Variants in GATA5 observed in about 807,000 individuals in gnomAD.
The protein encoded by GATA5 is GATA binding protein 5.
A neutral mutation model predicts 35.0 loss-of-function variants in GATA5; 27 were observed. The observed-to-expected ratio is 0.77, with a 90% CI of 0.57 to 1.06. The LOEUF (loss-of-function observed/expected upper bound fraction) is 1.06. GATA5 is among the 50% of genes least tolerant of loss of function. The pLI is 0.00. For synonymous variants in GATA5, 306 were observed against 267.8 expected, an observed-to-expected ratio of 1.14 and a Z score of -1.39; for missense variants, 612 against 580.0, an observed-to-expected ratio of 1.06 and a Z score of -0.57.
chr20:62,466,061 G>A, intron 4 of GATA5, 140 bp from the exon 5 acceptor site: 1 of 669,810 alleles, frequency 1.5e-6, no homozygotes, highest in South Asian at 1.7e-5. Context: ...TGGGTCAGCT[G>A]CCAGCTGGGC....
At chr20:62,466,361 G>T in intron 4 of GATA5, 65 bp downstream of exon 4, 2 of 1,492,026 alleles carry the variant, frequency 1.3e-6, no homozygotes, top group Non-Finnish European at 1.8e-6. Context: ...GTCTGAGAGT[G>T]CGGACGGCGC....
At chr20:62,468,595 G>T (rs1989650395) in intron 3 of GATA5, among the ~76,000 whole-genome samples, 1 of 152,256 alleles carries the variant, frequency 6.6e-6, no homozygotes, top group African/African-American at 2.4e-5. Context: ...GCAGGACCCT[G>T]CCCTGAGCTC....
chr20:62,473,964 C>G (rs1555896843), intron 2 of GATA5, among the ~76,000 whole-genome samples: 4 of 151,838 alleles, frequency 2.6e-5, no homozygotes, highest in East Asian at 2.0e-4. Context: ...GGTGTCTACA[C>G]TGGCAGGGGA....
intron 3 of GATA5, among the ~76,000 whole-genome samples, chr20:62,468,653 CG>C (rs1412582450): frequency 1.3e-5 from 2 of 152,370 alleles, no homozygotes; most frequent in South Asian, 2.1e-4. Flanking sequence ...CCAATGAGGC[CG>C]GGGAGGCTTG....
chr20:62,475,138 G>T lies in GATA5; in HGVS notation c.384C>A (p.Ala128=). ...AGGTCCCCACCGGCCGCCCAAGCGG[G>T]GCCGCGAACTGTTCTCGAGGCAACA... is the stretch of plus-strand genomic sequence containing the variant. The part of the protein sequence containing the change: ...GALLPREQFA[A]PLGRPVGTSY... Residue 128 remains alanine, a synonymous_variant, in exon 2 of 7, where the codon GCC becomes GCA. Coordinates refer to ENST00000252997, the MANE Select transcript of GATA5 (RefSeq NM_080473.5). The T allele has an allele frequency of 7.4e-7, 1 of 1,360,182 alleles. No homozygotes were observed. The allele number at this position is 1,360,182 out of a possible 1,614,324, so 84.3% of individuals were successfully genotyped here. A position where few individuals can be genotyped will look rare whatever the true frequency, so the allele number is the denominator to read the frequency against.
intron 3 of GATA5, among the ~76,000 whole-genome samples, chr20:62,467,012 C>T (rs1223190348): frequency 6.6e-6 from 1 of 152,232 alleles, no homozygotes; most frequent in Non-Finnish European, 1.5e-5. Flanking sequence ...GGGGGCCCCA[C>T]CGGACAGAGG....
intron 5 of GATA5, 46 bp from the exon 6 acceptor site, chr20:62,465,510 C>G (rs782410621): frequency 1.9e-6 from 3 of 1,573,678 alleles, no homozygotes; most frequent in Non-Finnish European, 2.6e-6. Context: ...GGTGTGGCCT[C>G]ACTTCCCCTT....
In GATA5 at chr20:62,465,932, T is replaced by C; in HGVS notation, c.826-11A>G. On this transcript the variant is annotated splice_polypyrimidine_tract_variant and intron_variant, in intron 4 of 6. Coordinates refer to ENST00000252997, the MANE Select transcript of GATA5 (RefSeq NM_080473.5). Reference sequence around the variant, plus strand: ...CAGAGGCCGCGGCACCTGGCAGGGGTGGCGAGGGTGGAGGCTGGTCCCATC... The same window carrying C: ...CAGAGGCCGCGGCACCTGGCAGGGGCGGCGAGGGTGGAGGCTGGTCCCATC... The C allele has an allele frequency of 6.4e-7, 1 of 1,569,074 alleles. No individual in the cohort carries two copies.
At chr20:62,472,411 G>A (rs559987511) in intron 3 of GATA5, among the ~76,000 whole-genome samples, 2 of 152,336 alleles carry the variant, frequency 1.3e-5, no homozygotes, top group South Asian at 2.1e-4. Flanking sequence ...GGCATAGCAC[G>A]CGAATCCAGG....
chr20:62,471,539 T>C (rs990431690), intron 3 of GATA5, among the ~76,000 whole-genome samples: 2 of 145,050 alleles, frequency 1.4e-5, no homozygotes, highest in African/African-American at 2.6e-5. Flanking sequence ...CAAAAGATCC[T>C]CCTGCCTCAG....
At position 62,464,720 on chromosome 20, in the gene GATA5, G is replaced by A; in HGVS notation, c.*116C>T. On this transcript the variant is annotated 3_prime_UTR_variant, in exon 7 of 7. Coordinates refer to ENST00000252997, the MANE Select transcript of GATA5 (RefSeq NM_080473.5). ...CTGTGTGGAGACTCCAGCAGACCCAGTCTCTGGGTTGGGGGGCCTGCTGGT... is the reference window on the plus strand; with the variant it reads ...CTGTGTGGAGACTCCAGCAGACCCAATCTCTGGGTTGGGGGGCCTGCTGGT... The A allele has an allele frequency of 1.1e-6, 1 of 925,518 alleles. No homozygotes were observed. The highest frequency in any genetic ancestry group is 2.7e-5 in the Admixed American group (1 of 36,984). 57.3% of individuals were successfully genotyped at this position (925,518 alleles called of 1,614,324 possible). A position where few individuals can be genotyped will look rare whatever the true frequency, so the allele number is the denominator to read the frequency against.
rs1007818263 is a variant in GATA5 at position 62,464,434 on chromosome 20, T to C, written c.*402A>G. On this transcript the variant is annotated 3_prime_UTR_variant, in exon 7 of 7. Coordinates refer to ENST00000252997, the MANE Select transcript of GATA5 (RefSeq NM_080473.5). Reference sequence around the variant, plus strand: ...TCAGGTGCTTCACTGGGAATCTTGGTTTTACACTGGGAGGTTGACTGTTTT... The same window carrying C: ...TCAGGTGCTTCACTGGGAATCTTGGCTTTACACTGGGAGGTTGACTGTTTT... 5.8e-5 allele frequency: 9 copies of C among 155,368 alleles called. No homozygotes were observed. The highest frequency in any genetic ancestry group is 2.2e-4 in the African/African-American group (9 of 41,572). The allele number at this position is 155,368 out of a possible 1,614,324, so 9.6% of individuals were successfully genotyped here.
chr20:62,471,896 T>TCTC (rs1555896597), intron 3 of GATA5, among the ~76,000 whole-genome samples: 1 of 139,766 alleles, frequency 7.2e-6, no homozygotes, highest in Non-Finnish European at 1.5e-5. Context: ...GTCTGACTAA[T>TCTC]TTCTTTTTTT....
Position 62,465,337 on chromosome 20 carries a change from T to G in GATA5, c.1038+3A>C. 1.3e-6 allele frequency: 2 copies of G among 1,588,676 alleles called. No individual in the cohort carries two copies. The highest frequency in any genetic ancestry group is 1.7e-6 in the Non-Finnish European group (2 of 1,174,334). ...GGCACCCCACCCCAGCCCACCCCCT[T>G]ACCTGGGGGGCCATGCTGGGCCCAG... is the stretch of plus-strand genomic sequence containing the variant. On this transcript the variant is annotated splice_donor_region_variant and intron_variant, in intron 6 of 6. Coordinates refer to ENST00000252997, the MANE Select transcript of GATA5 (RefSeq NM_080473.5).
chr20:62,474,976 G>GGT, intron 2 of GATA5, 23 bp downstream of exon 2: 2 of 1,286,038 alleles, frequency 1.6e-6, no homozygotes, highest in Non-Finnish European at 2.0e-6. Context: ...TGGGCCCCGA[G>GGT]ACTGTGGAGC....
At chr20:62,475,800 C>G (rs1459079452) in intron 1 of GATA5, 130 bp downstream of exon 1, 5 of 292,820 alleles carry the variant, frequency 1.7e-5, no homozygotes, top group Non-Finnish European at 3.1e-5. Flanking sequence ...GGGGTGAGCT[C>G]GGTGGGGGCC....
intron 1 of GATA5, 64 bp from the exon 2 acceptor site, chr20:62,475,606 C>T: frequency 9.1e-7 from 1 of 1,099,702 alleles, no homozygotes; most frequent in Non-Finnish European, 1.2e-6. Context: ...AGCGCCCGAG[C>T]TTATGCCGGG....
At position 62,475,420 on chromosome 20, in the gene GATA5, C is replaced by T; in HGVS notation, c.102G>A (p.Val34=). ...GCATCGAGGGGACGCGCGCCGGCGGCACAAACATCGGAGAGCCGGCGCCCG... is the reference window on the plus strand; with the variant it reads ...GCATCGAGGGGACGCGCGCCGGCGGTACAAACATCGGAGAGCCGGCGCCCG... The part of the protein sequence containing the change: ...HAPGAGSPMF[V]PPARVPSMLS... The change falls in exon 2 of 7, where the codon GTG becomes GTA. Residue 34 remains valine (V), a synonymous_variant. Transcript: ENST00000252997. 7.3e-7 allele frequency: 1 copy of T among 1,361,974 alleles called. No individual in the cohort carries two copies. Among genetic ancestry groups the T allele is most frequent in the Non-Finnish European group, 9.5e-7 (1 of 1,057,664 alleles). The allele number at this position is 1,361,974 out of a possible 1,614,324, so 84.4% of individuals were successfully genotyped here.
Position 62,465,436 on chromosome 20 carries a change from TG to T in GATA5, c.941del (p.Pro314HisfsTer151). 1 of 1,609,016 alleles carries T rather than the reference TG, an allele frequency of 6.2e-7. No individual in the cohort carries two copies. Reference protein sequence around the residue: ...SGSTRNASASPSAVASTDSSA... With the variant: ...SGSTRNASASXSAVASTDSSA... Reference sequence around the variant, plus strand: ...AGCTGTCAGTGCTGGCGACAGCAGATGGGGAGGCCGAGGCATTCCTTGTGGA... The same window carrying T: ...AGCTGTCAGTGCTGGCGACAGCAGATGGGAGGCCGAGGCATTCCTTGTGGA... On this transcript the variant is annotated frameshift_variant, in exon 6 of 7. Transcript: ENST00000252997. LOFTEE classifies it high-confidence loss of function.
Sources: allele counts gnomAD v4.1 joint callset (sites outside exome capture counted in the v4.1 genomes callset), GRCh38; gene constraint gnomAD v4.1.1; transcripts MANE v1.5; gene names NCBI Gene and HGNC (gene_info 2026-07-23, HGNC 2026-07-21).